ATG12: variants seen among roughly 807,000 people sequenced by gnomAD.
ATG12 encodes autophagy related 12.
In ATG12, 19 loss-of-function variants were observed where a neutral mutation model predicts 17.6. The ratio of observed to expected loss-of-function variants is 1.08; its 90% CI spans 0.75 to 1.58. The LOEUF is 1.58. Ranked by LOEUF, ATG12 falls within the 40% of genes most tolerant of loss-of-function variation. ATG12 has a pLI of 0.00. For missense variants in ATG12, 214 were observed against 162.0 expected (o/e 1.32, Z -1.74); for synonymous variants, 75 against 62.4 (o/e 1.20, Z -0.95).
intron 1 of ATG12, among the ~76,000 whole-genome samples, chr5:115,839,825 G>T (rs895723351): frequency 6.6e-6 from 1 of 152,156 alleles, no homozygotes; most frequent in Non-Finnish European, 1.5e-5. Flanking sequence ...CACAAGGTAG[G>T]AATAGTTAGA....
Position 115,841,526 on chromosome 5 carries a change from C to T in ATG12, c.27G>A (p.Leu9=), listed in dbSNP as rs1388921391. ...CAGCAGCAATTGAAGTAGGAAGCTG[C>T]AACACAGACTGCGGCTCCTCCGCCA... MAEEPQSV[L]QLPTSIAAGG... is the part of the protein sequence containing the mutation. The change falls in exon 1 of 4, where the codon TTG becomes TTA. Residue 9 remains leucine, a synonymous_variant. Transcript: ENST00000509910. 3.1e-6 allele frequency: 5 copies of T among 1,613,434 alleles called. No homozygotes were observed. Among genetic ancestry groups the T allele is most frequent in the Admixed American group, 3.3e-5 (2 of 59,832 alleles).
At chr5:115,833,729 G>C (rs889916220) in intron 2 of ATG12, 2 of 152,176 alleles carry the variant, frequency 1.3e-5, no homozygotes, top group African/African-American at 4.8e-5. Context: ...TGGCTGAGTA[G>C]AGTTCTGGCA....
At chr5:115,840,992 G>C in intron 1 of ATG12, 1 of 854,266 alleles carries the variant, frequency 1.2e-6, no homozygotes, top group Non-Finnish European at 1.7e-6. Context: ...TTCTAATCCA[G>C]GCTTTGCCAA....
intron 1 of ATG12, chr5:115,838,476 A>G (rs1473098364): frequency 3.3e-5 from 5 of 152,246 alleles, no homozygotes; most frequent in African/African-American, 4.8e-5. Flanking sequence ...AGCATGTATA[A>G]TATCTTAAAT....
chr5:115,832,577 T>C (rs1293377843), intron 3 of ATG12, 25 bp downstream of exon 3: 33 of 1,104,480 alleles, frequency 3.0e-5, no homozygotes, highest in Middle Eastern at 3.5e-4. Context: ...CTTTCTTTTT[T>C]TTTTTTTTTT....
chr5:115,836,506 A>C (rs1255751688), intron 2 of ATG12, among the ~76,000 whole-genome samples: 2 of 152,164 alleles, frequency 1.3e-5, no homozygotes, highest in Non-Finnish European at 2.9e-5. Context: ...TTGTGAGAGC[A>C]CTTGCAGCCA....
At chr5:115,831,913 G>A (rs1305148069) in intron 3 of ATG12, 50 bp from the exon 4 acceptor site, 1 of 1,534,110 alleles carries the variant, frequency 6.5e-7, no homozygotes, top group East Asian at 2.3e-5. Flanking sequence ...ATTATTCTTA[G>A]ATGAAACTAA....
intron 3 of ATG12, among the ~76,000 whole-genome samples, chr5:115,832,079 G>C (rs1345003657): frequency 1.3e-5 from 2 of 152,146 alleles, no homozygotes; most frequent in African/African-American, 4.8e-5. Context: ...TCTTAGGCAT[G>C]AATGAGCTTA....
At chr5:115,832,714 T>C in intron 2 of ATG12, 50 bp from the exon 3 acceptor site, 1 of 1,410,774 alleles carries the variant, frequency 7.1e-7, no homozygotes, top group Non-Finnish European at 9.4e-7. Flanking sequence ...TCCTGATTAA[T>C]CTGCATTTTT....
At chr5:115,837,484 A>G (rs1761154425) in intron 2 of ATG12, 144 bp downstream of exon 2, 1 of 871,506 alleles carries the variant, frequency 1.1e-6, no homozygotes, top group South Asian at 1.7e-5. Flanking sequence ...AAAAAAAATG[A>G]ATAAATAAAA....
intron 1 of ATG12, chr5:115,840,847 G>C: frequency 7.9e-7 from 1 of 1,261,070 alleles, no homozygotes; most frequent in South Asian, 1.3e-5. Flanking sequence ...TCTTAAAAAG[G>C]TAACATCTAT....
chr5:115,837,615 AT>A lies in ATG12; in HGVS notation c.300+12del, dbSNP rs781364623. 1.9e-6 allele frequency: 3 copies of A among 1,609,010 alleles called. No individual in the cohort carries two copies. The South Asian group carries it at 3.3e-5, about 18-fold the overall frequency. On this transcript the variant is annotated intron_variant, in intron 2 of 3. Coordinates refer to ENST00000509910, the MANE Select transcript of ATG12 (RefSeq NM_004707.4). ...CAAATTTTTGTAGGAAAACATCACC[AT>A]TGGTTTCATACCAACTGTTCTGAGG...
intron 2 of ATG12, among the ~76,000 whole-genome samples, chr5:115,835,774 C>T (rs1328895254): frequency 6.6e-6 from 1 of 152,174 alleles, no homozygotes; most frequent in African/African-American, 2.4e-5. Context: ...CCGTCAGATG[C>T]CAACCCTGTT....
At chr5:115,837,459 G>A (rs572762643) in intron 2 of ATG12, among the ~76,000 whole-genome samples, 169 bp downstream of exon 2, 5 of 151,416 alleles carry the variant, frequency 3.3e-5, no homozygotes, top group East Asian at 3.9e-4. Flanking sequence ...GCAACAGAGC[G>A]AGACTGTCTC....
At chr5:115,839,693 A>G (rs1224162347) in intron 1 of ATG12, among the ~76,000 whole-genome samples, 1 of 152,208 alleles carries the variant, frequency 6.6e-6, no homozygotes, top group Non-Finnish European at 1.5e-5. Flanking sequence ...GAAACCTAAC[A>G]TACCTCCAGT....
rs370840497 is a variant in ATG12, at chr5:115,837,684, G to A, written c.244C>T (p.Gln82Ter). 3.8e-5 allele frequency: 61 copies of A among 1,613,318 alleles called. No homozygotes were observed. Among genetic ancestry groups the A allele is most frequent in the Non-Finnish European group, 4.9e-5 (58 of 1,179,892 alleles). Residue 82 changes from glutamine (Q) to a stop codon, truncating the protein, a stop_gained, in exon 2 of 4, where the codon CAA becomes TAA. Transcript: ENST00000509910. LOFTEE classifies it high-confidence loss of function. ...KWAVERTRTI[Q>*]GLIDFIKKFL... ...TTTTTGATGAAGTCAATGAGTCCTT[G>A]GATGGTTCGTGTTCGCTCTACTGCC...
Position 115,841,398 on chromosome 5 carries a change from T to C in ATG12, c.155A>G (p.Lys52Arg), listed in dbSNP as rs776535936. ...GAAATAAATTCAGTTACTTTTTTTC[T>C]TGGTGTCGCCAGCAGGTTCCTCTGT... ...PGTEEPAGDTKKKIDILLKAV... is the reference protein window; with the variant it reads ...PGTEEPAGDTRKKIDILLKAV... The change falls in exon 1 of 4, where the codon AAG (lysine) becomes AGG (arginine). Residue 52 changes from lysine (K) to arginine (R), a missense_variant. Physicochemically the swap from Lys to Arg is conservative, Grantham distance 26. Transcript: ENST00000509910. 76 of 1,611,700 alleles carry C rather than the reference T, an allele frequency of 4.7e-5. 1 individual carries two copies. The South Asian group carries it at 7.7e-4, about 16-fold the overall frequency.
chr5:115,833,597 G>A (rs1159824100), intron 2 of ATG12: 1 of 152,046 alleles, frequency 6.6e-6, no homozygotes. Context: ...TACCTCTTGG[G>A]TCTGTTAGGA....
intron 1 of ATG12, chr5:115,840,706 T>C: frequency 8.3e-7 from 1 of 1,198,700 alleles, no homozygotes; most frequent in South Asian, 1.5e-5. Context: ...CAACTCTAAC[T>C]CTAAACAGAG....
Sources: allele counts gnomAD v4.1 joint callset (sites outside exome capture counted in the v4.1 genomes callset), GRCh38; gene constraint gnomAD v4.1.1; transcripts MANE v1.5; gene names NCBI Gene and HGNC (gene_info 2026-07-23, HGNC 2026-07-21).